The following MYO1D variants were observed in gnomAD, a reference collection of about 807,000 sequenced individuals.
The protein encoded by MYO1D is myosin ID, also known as unconventional myosin-Id.
In MYO1D, 83 loss-of-function variants were observed where a neutral mutation model predicts 122.0. That is an observed-to-expected ratio of 0.68 (90% CI 0.57 to 0.82). MYO1D has a LOEUF of 0.82. Ranked by LOEUF, MYO1D falls within the 40% of genes least tolerant of loss-of-function variation. The probability of loss-of-function intolerance (pLI) is 0.00; values close to 1 mark genes in which losing one functional copy is unlikely to be tolerated. For synonymous variants in MYO1D, 464 were observed against 446.9 expected (o/e 1.04, Z -0.48); for missense variants, 1,157 against 1,269.5 (o/e 0.91, Z 1.35).
intron 21 of MYO1D, among the ~76,000 whole-genome samples, chr17:32,514,258 A>G (rs2150861676): frequency 6.6e-6 from 1 of 150,842 alleles, no homozygotes; most frequent in East Asian, 1.9e-4. Flanking sequence ...AAAAAAAAAA[A>G]AAAAAAAAAA....
intron 19 of MYO1D, among the ~76,000 whole-genome samples, chr17:32,647,686 CATT>C (rs1477167831): frequency 2.4e-3 from 237 of 98,492 alleles, no homozygotes; most frequent in African/African-American, 9.4e-3. Context: ...ATAGCTTATA[CATT>C]TTTTTTTTTT....
At chr17:32,819,756 G>A (rs1404914434) in intron 1 of MYO1D, among the ~76,000 whole-genome samples, 4 of 152,266 alleles carry the variant, frequency 2.6e-5, no homozygotes, top group African/African-American at 7.2e-5. Context: ...CTTTGAGTAT[G>A]AGCCAGATAC....
intron 1 of MYO1D, among the ~76,000 whole-genome samples, chr17:32,794,669 T>C (rs1449003778): frequency 6.6e-6 from 1 of 151,862 alleles, no homozygotes; most frequent in Non-Finnish European, 1.5e-5. Context: ...TGCACTGTAC[T>C]GGTGGAGGGA....
chr17:32,874,031 C>G (rs2091205756), intron 1 of MYO1D, among the ~76,000 whole-genome samples: 1 of 152,172 alleles, frequency 6.6e-6, no homozygotes, highest in Admixed American at 6.5e-5. Flanking sequence ...GCTCATGCTG[C>G]TTAATCCACC....
rs543572831 is a variant in MYO1D at position 32,780,503 on chromosome 17, G to A, written c.304+73C>T. The stretch of plus-strand genomic sequence containing the variant: ...CCTTTAAAAAAATATTTAATCAATT[G>A]TTTGGATTCTTGAGTATCAAACAAA... On this transcript the variant is annotated intron_variant, in intron 2 of 21. Transcript: ENST00000318217. The A allele has an allele frequency of 1.5e-5, 21 of 1,445,604 alleles. No homozygotes were observed. The South Asian group carries it at 2.3e-4, about 16-fold the overall frequency. 89.5% of individuals were successfully genotyped at this position (1,445,604 alleles called of 1,614,324 possible).
At chr17:32,786,117 T>G (rs1346512924) in intron 1 of MYO1D, among the ~76,000 whole-genome samples, 3 of 152,184 alleles carry the variant, frequency 2.0e-5, no homozygotes, top group Non-Finnish European at 2.9e-5. Context: ...TAGGTTGCAG[T>G]TCCTGAGTAG....
intron 16 of MYO1D, among the ~76,000 whole-genome samples, chr17:32,700,802 G>C (rs2089237866): frequency 6.6e-6 from 1 of 151,938 alleles, no homozygotes; most frequent in African/African-American, 2.4e-5. Context: ...AAATTAGCCA[G>C]GTATGGTGGT....
At chr17:32,847,117 GT>G (rs1485133400) in intron 1 of MYO1D, among the ~76,000 whole-genome samples, 1 of 152,156 alleles carries the variant, frequency 6.6e-6, no homozygotes, top group Non-Finnish European at 1.5e-5. Flanking sequence ...CCTGAATTTA[GT>G]AATTTAATTC....
intron 21 of MYO1D, chr17:32,496,876 T>A (rs1909135044): frequency 6.6e-6 from 1 of 152,304 alleles, no homozygotes; most frequent in Admixed American, 6.5e-5. Context: ...TCTGAGGGAA[T>A]GGGCTCTAAA....
At chr17:32,815,862 G>A (rs2090609249) in intron 1 of MYO1D, among the ~76,000 whole-genome samples, 1 of 152,150 alleles carries the variant, frequency 6.6e-6, no homozygotes, top group Non-Finnish European at 1.5e-5. Context: ...TGTAAATTTC[G>A]GGGTTGTATT....
At chr17:32,532,327 A>G (rs1458889476) in intron 21 of MYO1D, among the ~76,000 whole-genome samples, 2 of 152,258 alleles carry the variant, frequency 1.3e-5, no homozygotes, top group Admixed American at 1.3e-4. Flanking sequence ...AATGACACCA[A>G]TTCAGAAATT....
intron 21 of MYO1D, among the ~76,000 whole-genome samples, chr17:32,570,631 C>T (rs559972789): frequency 3.3e-5 from 5 of 152,222 alleles, no homozygotes; most frequent in South Asian, 4.1e-4. Flanking sequence ...GGATTACAGG[C>T]GTGAGCCACT....
At chr17:32,706,668 A>C (rs2089311845) in intron 16 of MYO1D, among the ~76,000 whole-genome samples, 1 of 152,164 alleles carries the variant, frequency 6.6e-6, no homozygotes, top group Non-Finnish European at 1.5e-5. Context: ...GCCTGGGACA[A>C]AATCATGTAC....
At chr17:32,638,290 T>A (rs1036543642) in intron 20 of MYO1D, among the ~76,000 whole-genome samples, 3 of 152,178 alleles carry the variant, frequency 2.0e-5, no homozygotes, top group African/African-American at 7.2e-5. Flanking sequence ...AATCAACAAC[T>A]AAATATGCAC....
intron 21 of MYO1D, among the ~76,000 whole-genome samples, chr17:32,523,101 A>T (rs191544422): frequency 1.2e-3 from 189 of 152,218 alleles, no homozygotes; most frequent in African/African-American, 4.3e-3. Flanking sequence ...AGGCGTGAGC[A>T]ACCACGCCTG....
intron 21 of MYO1D, among the ~76,000 whole-genome samples, chr17:32,522,409 A>G (rs535242653): frequency 6.6e-5 from 10 of 152,336 alleles, no homozygotes; most frequent in Admixed American, 5.9e-4. Context: ...TTTGTCCCAA[A>G]CTACTCTAGT....
At chr17:32,693,738 A>G (rs2089135484) in intron 16 of MYO1D, among the ~76,000 whole-genome samples, 1 of 152,166 alleles carries the variant, frequency 6.6e-6, no homozygotes, top group Admixed American at 6.6e-5. Context: ...CTGGGGATGG[A>G]GTGGCAATGG....
At chr17:32,615,392 C>T (rs1255819326) in intron 20 of MYO1D, among the ~76,000 whole-genome samples, 3 of 152,142 alleles carry the variant, frequency 2.0e-5, no homozygotes, top group South Asian at 2.1e-4. Flanking sequence ...AGAAAATGTA[C>T]GTAACAAATG....
intron 1 of MYO1D, among the ~76,000 whole-genome samples, chr17:32,841,813 C>T (rs1361543176): frequency 6.6e-6 from 1 of 152,052 alleles, no homozygotes; most frequent in African/African-American, 2.4e-5. Context: ...AAGATGCGGT[C>T]TTTAGATGTG....
Sources: allele counts gnomAD v4.1 joint callset (sites outside exome capture counted in the v4.1 genomes callset), GRCh38; gene constraint gnomAD v4.1.1; transcripts MANE v1.5; gene names NCBI Gene and HGNC (gene_info 2026-07-23, HGNC 2026-07-21).